The following SIAH3 variants were observed in gnomAD, a reference collection of about 807,000 sequenced individuals.
SIAH3 encodes the protein siah E3 ubiquitin protein ligase family member 3.
SIAH3 carries 9 observed loss-of-function variants against 12.6 expected under a neutral mutation model. The observed-to-expected ratio is 0.72, with a 90% CI of 0.43 to 1.25. The LOEUF (loss-of-function observed/expected upper bound fraction) is 1.25. SIAH3 is among the 50% of genes most tolerant of loss of function. SIAH3 has a pLI of 0.00. For synonymous variants in SIAH3, 154 were observed against 151.1 expected (o/e 1.02, Z -0.14); for missense variants, 390 against 365.4 (o/e 1.07, Z -0.55).
chr13:45,807,912 A>T (rs1330566556), intron 1 of SIAH3, among the ~76,000 whole-genome samples: 1 of 152,242 alleles, frequency 6.6e-6, no homozygotes, highest in African/African-American at 2.4e-5. Context: ...AACTTATATT[A>T]ACAACCCAGG....
intron 1 of SIAH3, among the ~76,000 whole-genome samples, chr13:45,824,022 C>T (rs1209677372): frequency 6.6e-6 from 1 of 152,198 alleles, no homozygotes; most frequent in Non-Finnish European, 1.5e-5. Context: ...GTAAACCCAT[C>T]ACCCAAACAG....
intron 1 of SIAH3, among the ~76,000 whole-genome samples, chr13:45,843,672 CA>C (rs959636990): frequency 3.3e-5 from 5 of 152,008 alleles, no homozygotes; most frequent in Non-Finnish European, 5.9e-5. Context: ...TCACATGAGG[CA>C]AAAAATTGTT....
intron 1 of SIAH3, among the ~76,000 whole-genome samples, chr13:45,800,722 C>T (rs1355893322): frequency 2.0e-5 from 3 of 152,228 alleles, no homozygotes; most frequent in Admixed American, 6.5e-5. Context: ...GACAAATTTT[C>T]ATCTCAGCCC....
chr13:45,787,857 C>G (rs1477450177), intron 1 of SIAH3, among the ~76,000 whole-genome samples: 1 of 152,244 alleles, frequency 6.6e-6, no homozygotes, highest in Non-Finnish European at 1.5e-5. Flanking sequence ...ACAGCCTGCT[C>G]TAAGCTGGTG....
intron 1 of SIAH3, among the ~76,000 whole-genome samples, chr13:45,830,239 A>T (rs1161815614): frequency 6.6e-6 from 1 of 152,124 alleles, no homozygotes; most frequent in Non-Finnish European, 1.5e-5. Context: ...GTATGTGGCC[A>T]CCTGAGCCTG....
chr13:45,797,710 G>C (rs1950567978), intron 1 of SIAH3, among the ~76,000 whole-genome samples: 1 of 152,204 alleles, frequency 6.6e-6, no homozygotes, highest in Non-Finnish European at 1.5e-5. Context: ...AAGGATGTCA[G>C]AGCTGCTGGG....
chr13:45,810,626 A>G, intron 1 of SIAH3, among the ~76,000 whole-genome samples: 1 of 151,992 alleles, frequency 6.6e-6, no homozygotes, highest in East Asian at 1.9e-4. Flanking sequence ...TTATGGTCAG[A>G]GACAAAGACA....
chr13:45,781,216 T>G lies in SIAH3; in HGVS notation c.*2167A>C, dbSNP rs150640185. 1.3e-5 allele frequency: 2 copies of G among 152,794 alleles called. No homozygotes were observed. The highest frequency in any genetic ancestry group is 1.9e-4 in the East Asian group (1 of 5,180). 9.5% of individuals were successfully genotyped at this position (152,794 alleles called of 1,614,324 possible). On this transcript the variant is annotated 3_prime_UTR_variant, in exon 2 of 2. Transcript: ENST00000400405. Reference sequence around the variant, plus strand: ...GATGTCTGCAGGAGCCCTAAGGCCCTGTGAATGTTAGTTATATTCTTAGTG... The same window carrying G: ...GATGTCTGCAGGAGCCCTAAGGCCCGGTGAATGTTAGTTATATTCTTAGTG...
At chr13:45,784,206 AAC>A (rs996859830) in intron 1 of SIAH3, 149 bp from the exon 2 acceptor site, 11 of 800,862 alleles carry the variant, frequency 1.4e-5, no homozygotes, top group Middle Eastern at 2.6e-4. Flanking sequence ...CAAACAAACA[AAC>A]AAACAAAACC....
intron 1 of SIAH3, among the ~76,000 whole-genome samples, chr13:45,813,421 C>T (rs1436008697): frequency 6.6e-6 from 1 of 152,216 alleles, no homozygotes; most frequent in Non-Finnish European, 1.5e-5. Flanking sequence ...GTCCCTAGGG[C>T]TCTGCCCCCT....
chr13:45,799,538 C>T (rs1390733849), intron 1 of SIAH3, among the ~76,000 whole-genome samples: 1 of 152,106 alleles, frequency 6.6e-6, no homozygotes, highest in African/African-American at 2.4e-5. Context: ...CGTGTGGCCT[C>T]CAGGAGGTGG....
intron 1 of SIAH3, among the ~76,000 whole-genome samples, chr13:45,829,950 C>T (rs1460041256): frequency 2.6e-5 from 4 of 152,156 alleles, no homozygotes; most frequent in Non-Finnish European, 5.9e-5. Context: ...CTGCCTCTAA[C>T]ATTTGCGAGA....
chr13:45,805,824 T>C (rs1301908610), intron 1 of SIAH3, among the ~76,000 whole-genome samples: 1 of 152,158 alleles, frequency 6.6e-6, no homozygotes, highest in African/African-American at 2.4e-5. Flanking sequence ...TTGCAAACTA[T>C]GCATCTGACA....
intron 1 of SIAH3, among the ~76,000 whole-genome samples, chr13:45,818,287 T>G (rs1043693830): frequency 6.6e-6 from 1 of 152,238 alleles, no homozygotes; most frequent in African/African-American, 2.4e-5. Context: ...TGTGTTCATG[T>G]CCTTGTTTCA....
chr13:45,803,069 CAA>C (rs943301023), intron 1 of SIAH3, among the ~76,000 whole-genome samples: 3 of 138,364 alleles, frequency 2.2e-5, no homozygotes, highest in African/African-American at 8.0e-5. Flanking sequence ...AAAACTCTGT[CAA>C]AAAAAAAAAA....
chr13:45,843,241 C>T (rs1201650441), intron 1 of SIAH3, among the ~76,000 whole-genome samples: 3 of 152,074 alleles, frequency 2.0e-5, no homozygotes, highest in Non-Finnish European at 4.4e-5. Flanking sequence ...AAAGCTGTGT[C>T]CTCAAGGTGC....
intron 1 of SIAH3, among the ~76,000 whole-genome samples, chr13:45,807,424 G>A (rs1950601782): frequency 1.3e-5 from 2 of 152,148 alleles, no homozygotes. Context: ...ATTAAAACAT[G>A]GTGATTCAAG....
chr13:45,793,231 C>G (rs529065944), intron 1 of SIAH3, among the ~76,000 whole-genome samples: 66 of 152,316 alleles, frequency 4.3e-4, no homozygotes, highest in African/African-American at 1.5e-3. Context: ...CAAATGCAAA[C>G]TGCAGAAGCA....
intron 1 of SIAH3, among the ~76,000 whole-genome samples, chr13:45,803,435 A>C (rs1950589107): frequency 1.3e-5 from 2 of 152,156 alleles, no homozygotes; most frequent in South Asian, 4.1e-4. Flanking sequence ...AAATGCTATG[A>C]TAGAAATAAG....
Sources: allele counts gnomAD v4.1 joint callset (sites outside exome capture counted in the v4.1 genomes callset), GRCh38; gene constraint gnomAD v4.1.1; transcripts MANE v1.5; gene names NCBI Gene and HGNC (gene_info 2026-07-23, HGNC 2026-07-21).